Variants in ARHGAP22 observed in about 807,000 individuals in gnomAD.
ARHGAP22 encodes Rho GTPase activating protein 22.
ARHGAP22 carries 48 observed loss-of-function variants against 59.1 expected under a neutral mutation model. That is an observed-to-expected ratio of 0.81 (90% confidence interval 0.64 to 1.03). The LOEUF (loss-of-function observed/expected upper bound fraction) is 1.03. ARHGAP22 is among the 50% of genes least tolerant of loss of function. ARHGAP22 has a pLI of 0.00. For missense variants in ARHGAP22, 1,015 were observed against 958.7 expected (o/e 1.06, Z -0.78); for synonymous variants, 445 against 416.4 (o/e 1.07, Z -0.84).
At position 48,621,072 on chromosome 10, in the gene ARHGAP22, A is replaced by G. The variant is rs372659897; in HGVS notation, c.52+31162T>C. 1.6e-4 allele frequency among the ~76,000 whole-genome samples: 24 copies of G among 152,378 alleles called. 1 individual carries two copies. In the East Asian group the frequency reaches 3.3e-3, roughly 21 times the overall value. ...CTCGCAACTGATGACTGCTCTTTCC[A>G]GAAAGCCCAATACATGATTGCCTTT... On this transcript the variant is annotated intron_variant, in intron 1 of 9. Transcript: ENST00000435790.
intron 3 of ARHGAP22, among the ~76,000 whole-genome samples, chr10:48,499,139 G>GCC (rs2051256085): frequency 6.6e-6 from 1 of 152,236 alleles, no homozygotes; most frequent in Non-Finnish European, 1.5e-5. Context: ...CAGTGCTGGG[G>GCC]CCCCGAATCA....
At chr10:48,582,461 G>T (rs1282532294) in intron 2 of ARHGAP22, among the ~76,000 whole-genome samples, 1 of 152,300 alleles carries the variant, frequency 6.6e-6, no homozygotes, top group East Asian at 1.9e-4. Flanking sequence ...AGTGCAATTT[G>T]GATGAAAGGC....
At chr10:48,565,355 T>C (rs1295332657) in intron 2 of ARHGAP22, among the ~76,000 whole-genome samples, 2 of 152,194 alleles carry the variant, frequency 1.3e-5, no homozygotes, top group East Asian at 1.9e-4. Context: ...AGGGCAGTGC[T>C]GCAGAAGTTT....
intron 2 of ARHGAP22, among the ~76,000 whole-genome samples, chr10:48,562,701 CCT>C (rs1282944113): frequency 6.6e-6 from 1 of 152,104 alleles, no homozygotes; most frequent in Non-Finnish European, 1.5e-5. Flanking sequence ...ATGTTTGCTG[CCT>C]TGATTGTGGT....
chr10:48,486,950 A>G (rs1240913462), intron 3 of ARHGAP22, among the ~76,000 whole-genome samples: 1 of 152,120 alleles, frequency 6.6e-6, no homozygotes, highest in Non-Finnish European at 1.5e-5. Flanking sequence ...TTTTGCCATC[A>G]TCCTCATTTT....
intron 1 of ARHGAP22, among the ~76,000 whole-genome samples, chr10:48,645,571 G>A (rs1240395664): frequency 6.6e-6 from 1 of 152,050 alleles, no homozygotes; most frequent in Non-Finnish European, 1.5e-5. Flanking sequence ...ATGCAGAAAA[G>A]CATCTGACAA....
intron 3 of ARHGAP22, among the ~76,000 whole-genome samples, chr10:48,515,715 G>C (rs1380255782): frequency 6.6e-6 from 1 of 152,128 alleles, no homozygotes; most frequent in Non-Finnish European, 1.5e-5. Flanking sequence ...CCAAAACAAA[G>C]TTTGAAAGTA....
At chr10:48,565,768 T>C (rs1376054637) in intron 2 of ARHGAP22, among the ~76,000 whole-genome samples, 1 of 152,242 alleles carries the variant, frequency 6.6e-6, no homozygotes. Context: ...TAGGGGCCTA[T>C]ATAAATATGA....
chr10:48,574,358 A>C (rs1473306781), intron 2 of ARHGAP22, among the ~76,000 whole-genome samples: 3 of 152,240 alleles, frequency 2.0e-5, no homozygotes, highest in African/African-American at 7.2e-5. Context: ...GCCCCACCTG[A>C]ATGAGGTTTA....
intron 1 of ARHGAP22, among the ~76,000 whole-genome samples, chr10:48,619,290 G>A (rs561540802): frequency 9.6e-4 from 146 of 152,198 alleles, no homozygotes; most frequent in Middle Eastern, 3.4e-3. Context: ...TGCAGATTCA[G>A]TGAAATCTCT....
intron 1 of ARHGAP22, among the ~76,000 whole-genome samples, chr10:48,649,525 C>G (rs1449236709): frequency 6.6e-6 from 1 of 152,238 alleles, no homozygotes; most frequent in African/African-American, 2.4e-5. Flanking sequence ...CCGTCTTTCT[C>G]TCCACTGTGA....
chr10:48,583,450 T>C (rs1030246564), intron 1 of ARHGAP22, among the ~76,000 whole-genome samples: 1 of 152,234 alleles, frequency 6.6e-6, no homozygotes. Flanking sequence ...CATGCATCCA[T>C]GTATCCAACC....
At chr10:48,591,111 C>A (rs1391743194) in intron 1 of ARHGAP22, among the ~76,000 whole-genome samples, 1 of 152,098 alleles carries the variant, frequency 6.6e-6, no homozygotes, top group Non-Finnish European at 1.5e-5. Flanking sequence ...GCAAATGGAG[C>A]CTGAGTAGCC....
intron 1 of ARHGAP22, among the ~76,000 whole-genome samples, chr10:48,587,328 G>C (rs747934545): frequency 1.8e-4 from 28 of 152,254 alleles, no homozygotes; most frequent in Non-Finnish European, 3.4e-4. Flanking sequence ...CCCTGGGCTC[G>C]AGAGGAGTCT....
intron 3 of ARHGAP22, among the ~76,000 whole-genome samples, chr10:48,501,203 C>T (rs1252002449): frequency 6.6e-6 from 1 of 152,162 alleles, no homozygotes; most frequent in Non-Finnish European, 1.5e-5. Context: ...TATCTCTGGA[C>T]AGAGAAAGAG....
At chr10:48,472,470 G>C (rs2048322515) in intron 4 of ARHGAP22, among the ~76,000 whole-genome samples, 1 of 152,136 alleles carries the variant, frequency 6.6e-6, no homozygotes, top group Non-Finnish European at 1.5e-5. Context: ...GTTGCAGTGA[G>C]CCAAGATTGT....
chr10:48,654,860 TTTC>T (rs1205750526), upstream of ARHGAP22, among the ~76,000 whole-genome samples: 1 of 146,350 alleles, frequency 6.8e-6, no homozygotes, highest in African/African-American at 2.6e-5. Context: ...TTTCTTTCTC[TTTC>T]TTTCCTTCTT....
intron 3 of ARHGAP22, chr10:48,524,109 G>A: frequency 7.5e-7 from 1 of 1,340,048 alleles, no homozygotes; most frequent in Non-Finnish European, 9.6e-7. Context: ...CCCCATGGCA[G>A]CCGCCCGCGG....
intron 3 of ARHGAP22, among the ~76,000 whole-genome samples, chr10:48,529,010 A>G (rs2054583453): frequency 6.6e-6 from 1 of 152,212 alleles, no homozygotes; most frequent in African/African-American, 2.4e-5. Flanking sequence ...GTATTCCTTT[A>G]TAGCAATTTG....
Sources: allele counts gnomAD v4.1 joint callset (sites outside exome capture counted in the v4.1 genomes callset), GRCh38; gene constraint gnomAD v4.1.1; transcripts MANE v1.5; gene names NCBI Gene and HGNC (gene_info 2026-07-23, HGNC 2026-07-21).